SEMA5A: variants seen among roughly 807,000 people sequenced by gnomAD.
SEMA5A encodes the protein semaphorin 5A, also known as semaphorin-5A.
SEMA5A carries 55 observed loss-of-function variants against 135.5 expected under a neutral mutation model. The ratio of observed to expected loss-of-function variants is 0.41; its 90% confidence interval spans 0.33 to 0.51. The LOEUF (loss-of-function observed/expected upper bound fraction) is 0.51, where lower values mean the gene tolerates loss of function less well. SEMA5A is among the 20% of genes least tolerant of loss of function. The probability of loss-of-function intolerance (pLI) is 0.37; values close to 1 mark genes in which losing one functional copy is unlikely to be tolerated. For synonymous variants in SEMA5A, 580 were observed against 546.5 expected (o/e 1.06, Z -0.85); for missense variants, 1,290 against 1,419.9 (o/e 0.91, Z 1.47).
At chr5:9,338,947 C>G (rs1443292608) in intron 3 of SEMA5A, among the ~76,000 whole-genome samples, 2 of 152,044 alleles carry the variant, frequency 1.3e-5, no homozygotes, top group Admixed American at 6.6e-5. Context: ...TCTCTACTAA[C>G]AGTTACGAGG....
At chr5:9,415,395 G>A (rs1413636081) in intron 2 of SEMA5A, among the ~76,000 whole-genome samples, 1 of 152,144 alleles carries the variant, frequency 6.6e-6, no homozygotes, top group East Asian at 1.9e-4. Flanking sequence ...GGGCCTTGGG[G>A]ACGTAAAATG....
chr5:9,074,723 G>A (rs185171226), intron 16 of SEMA5A, among the ~76,000 whole-genome samples: 8 of 152,164 alleles, frequency 5.3e-5, no homozygotes, highest in East Asian at 1.9e-4. Context: ...CAAAACAAGC[G>A]TATGTAAACT....
At chr5:9,465,967 C>T (rs1328332615) in intron 1 of SEMA5A, among the ~76,000 whole-genome samples, 1 of 152,170 alleles carries the variant, frequency 6.6e-6, no homozygotes, top group Non-Finnish European at 1.5e-5. Context: ...TCCAGTGTTG[C>T]TAACCACAGA....
chr5:9,296,902 CAAAAAAA>C (rs34923583), intron 5 of SEMA5A, among the ~76,000 whole-genome samples: 1 of 134,680 alleles, frequency 7.4e-6, no homozygotes, highest in Non-Finnish European at 1.6e-5. Flanking sequence ...ACTGTGATCT[CAAAAAAA>C]AAAAAAAAAA....
chr5:9,474,024 A>G (rs1337261572), intron 1 of SEMA5A, among the ~76,000 whole-genome samples: 3 of 152,202 alleles, frequency 2.0e-5, no homozygotes, highest in Non-Finnish European at 4.4e-5. Context: ...CATGTAAGAT[A>G]CATCATGGAC....
chr5:9,326,572 T>C (rs1052559550), intron 4 of SEMA5A, among the ~76,000 whole-genome samples: 1 of 151,910 alleles, frequency 6.6e-6, no homozygotes, highest in South Asian at 2.1e-4. Flanking sequence ...CTGAGGTCAG[T>C]AGTTCGAGAC....
rs143350960 is a variant in SEMA5A at position 9,051,949 on chromosome 5, C to G, written c.2769G>C (p.Leu923=). The G allele has an allele frequency of 1.2e-6, 2 of 1,614,170 alleles. No individual in the cohort carries two copies. The highest frequency in any genetic ancestry group is 4.5e-5 in the East Asian group (2 of 44,870). The change falls in exon 20 of 23, where the codon CTG becomes CTC. Residue 923 remains leucine, a synonymous_variant. Transcript: ENST00000382496. ...CGGAGCACTGGCTGCCCATGGGGAA[C>G]AGGAGGATGCACTGGCGGGCGCGGA... ...VQVRARQCIL[L]FPMGSQCSGN...
chr5:9,276,613 T>G (rs1750276339), intron 5 of SEMA5A, among the ~76,000 whole-genome samples: 1 of 152,000 alleles, frequency 6.6e-6, no homozygotes, highest in Non-Finnish European at 1.5e-5. Context: ...AAAACACATA[T>G]ATATATACCA....
In SEMA5A at chr5:9,384,675, T is replaced by TATAGATAGATAG. The variant is rs1358325341; in HGVS notation, c.-77-4664_-77-4653dup. Among the ~76,000 whole-genome samples the TATAGATAGATAG allele has an allele frequency of 1.3e-3, 86 of 64,216 alleles. 3 individuals are homozygous for TATAGATAGATAG. The highest frequency in any genetic ancestry group is 1.8e-3 in the Non-Finnish European group (54 of 29,940). 42.1% of individuals were successfully genotyped at this position (64,216 alleles called of 152,430 possible). On this transcript the variant is annotated intron_variant, in intron 2 of 22. Coordinates refer to ENST00000382496, the MANE Select transcript of SEMA5A (RefSeq NM_003966.3). ...AGATAGATAGATATAGATAGATAGATATAGATAGATAGATAGATAGATAGA... is the reference window on the plus strand; with the variant it reads ...AGATAGATAGATATAGATAGATAGATATAGATAGATAGATAGATAGATAGATAGATAGATAGA...
chr5:9,183,694 C>T (rs956992161), intron 11 of SEMA5A, among the ~76,000 whole-genome samples: 2 of 152,224 alleles, frequency 1.3e-5, no homozygotes, highest in African/African-American at 4.8e-5. Flanking sequence ...AGAGCCTTGG[C>T]TCACGTGACA....
intron 5 of SEMA5A, among the ~76,000 whole-genome samples, chr5:9,293,417 T>C (rs993549646): frequency 6.6e-6 from 1 of 152,168 alleles, no homozygotes; most frequent in African/African-American, 2.4e-5. Flanking sequence ...AAAATAAACT[T>C]CCCTTTGTTT....
intron 1 of SEMA5A, among the ~76,000 whole-genome samples, chr5:9,472,547 A>G (rs146016465): frequency 0.011 from 1,623 of 152,330 alleles, 14 homozygotes; most frequent in Non-Finnish European, 0.018. Context: ...GCAAAAGCCA[A>G]AGAAATTGTC....
At chr5:9,165,604 G>A (rs1743562593) in intron 11 of SEMA5A, among the ~76,000 whole-genome samples, 1 of 152,206 alleles carries the variant, frequency 6.6e-6, no homozygotes, top group East Asian at 1.9e-4. Context: ...ATTTCCAGTT[G>A]TGCATTTGGA....
intron 2 of SEMA5A, among the ~76,000 whole-genome samples, chr5:9,408,009 T>TACCATCACCATCACTACCAAC (rs768021820): frequency 0.031 from 4,730 of 150,668 alleles, 89 homozygotes; most frequent in African/African-American, 0.044. Flanking sequence ...TCACCATCAC[T>TACCATCACCATCACTACCAAC]ACCAACACCA....
intron 13 of SEMA5A, among the ~76,000 whole-genome samples, chr5:9,133,229 T>C (rs1305967492): frequency 6.6e-6 from 1 of 152,224 alleles, no homozygotes; most frequent in African/African-American, 2.4e-5. Context: ...TTAATACTGA[T>C]GTATATTAAT....
intron 1 of SEMA5A, chr5:9,523,160 C>T (rs191877206): frequency 6.6e-5 from 10 of 152,260 alleles, no homozygotes; most frequent in African/African-American, 2.4e-4. Context: ...GAAACGTACA[C>T]AAGAGAACTG....
At chr5:9,111,934 A>G (rs1466958878) in intron 15 of SEMA5A, among the ~76,000 whole-genome samples, 1 of 152,082 alleles carries the variant, frequency 6.6e-6, no homozygotes, top group Non-Finnish European at 1.5e-5. Context: ...TTACTTTGGT[A>G]TCTGCTGGTT....
At chr5:9,077,994 C>T (rs1321654872) in intron 16 of SEMA5A, among the ~76,000 whole-genome samples, 1 of 152,214 alleles carries the variant, frequency 6.6e-6, no homozygotes, top group Non-Finnish European at 1.5e-5. Context: ...AAAATCAGTG[C>T]TGTCACTGGA....
chr5:9,437,361 CTTCTTTTT>C (rs1334308030), intron 2 of SEMA5A, among the ~76,000 whole-genome samples: 1 of 151,118 alleles, frequency 6.6e-6, no homozygotes, highest in Non-Finnish European at 1.5e-5. Context: ...TTCTTCTTTT[CTTCTTTTT>C]TCTCTGAGAT....
Sources: allele counts gnomAD v4.1 joint callset (sites outside exome capture counted in the v4.1 genomes callset), GRCh38; gene constraint gnomAD v4.1.1; transcripts MANE v1.5; gene names NCBI Gene and HGNC (gene_info 2026-07-23, HGNC 2026-07-21).